Variants in OR2L13 observed in about 807,000 individuals in gnomAD.
The protein encoded by OR2L13 is olfactory receptor 2L13.
In OR2L13, 14 loss-of-function variants were observed where a neutral mutation model predicts 15.3. That is an observed-to-expected ratio of 0.91 (90% CI 0.60 to 1.43). The LOEUF (loss-of-function observed/expected upper bound fraction) is 1.43, where lower values mean the gene tolerates loss of function less well. OR2L13 is among the 40% of genes most tolerant of loss of function. The pLI is 0.00. For synonymous variants in OR2L13, 152 were observed against 142.9 expected, an observed-to-expected ratio of 1.06 and a Z score of -0.45; for missense variants, 367 against 387.9, an observed-to-expected ratio of 0.95 and a Z score of 0.45.
chr1:248,045,536 C>A, the OR2L13 span, among the ~76,000 whole-genome samples: 1 of 152,146 alleles, frequency 6.6e-6, no homozygotes, highest in African/African-American at 2.4e-5. Context: ...CCTCTTTCAG[C>A]GCAAATAGGT....
At chr1:247,994,322 G>A in the OR2L13 span, among the ~76,000 whole-genome samples, 266 of 152,184 alleles carry the variant, frequency 1.7e-3, 2 homozygotes, top group Non-Finnish European at 1.3e-3. Context: ...GCGTGAACCC[G>A]GGAGGCGGAG....
the OR2L13 span, chr1:248,084,458 T>A: frequency 1.3e-5 from 21 of 1,607,894 alleles, no homozygotes; most frequent in African/African-American, 2.8e-5. Flanking sequence ...TCCCGGTGAA[T>A]CAGGAGAATC....
At chr1:248,074,550 C>T in the OR2L13 span, among the ~76,000 whole-genome samples, 22,894 of 152,042 alleles carry the variant, frequency 0.15, 3,282 homozygotes, top group African/African-American at 0.38. Flanking sequence ...TATACACCAA[C>T]AACGTTCAAG....
chr1:248,067,840 T>G, the OR2L13 span, among the ~76,000 whole-genome samples: 1 of 152,172 alleles, frequency 6.6e-6, no homozygotes, highest in African/African-American at 2.4e-5. Flanking sequence ...GCCAGGAGGT[T>G]ATATCCCACA....
the OR2L13 span, chr1:248,003,997 T>A: frequency 7.1e-5 from 114 of 1,613,770 alleles, 1 homozygote; most frequent in South Asian, 5.3e-4. Flanking sequence ...CCATCATCTA[T>A]AGCCTGAGGA....
chr1:247,966,850 G>A, the OR2L13 span, among the ~76,000 whole-genome samples: 1,195 of 152,244 alleles, frequency 7.8e-3, 7 homozygotes, highest in Admixed American at 0.013. Flanking sequence ...ATTGAATAAT[G>A]TATTAACAGG....
At chr1:248,029,627 T>C in the OR2L13 span, among the ~76,000 whole-genome samples, 4 of 152,170 alleles carry the variant, frequency 2.6e-5, no homozygotes, top group East Asian at 5.8e-4. Context: ...ATGTATGTGA[T>C]AGCTTAATAA....
the OR2L13 span, chr1:248,041,889 A>T: frequency 6.6e-6 from 1 of 151,426 alleles, no homozygotes; most frequent in African/African-American, 2.4e-5. Context: ...TGGAGAAAAC[A>T]CTTTTACACT....
At chr1:248,068,047 A>C in the OR2L13 span, among the ~76,000 whole-genome samples, 1 of 152,106 alleles carries the variant, frequency 6.6e-6, no homozygotes, top group Non-Finnish European at 1.5e-5. Flanking sequence ...TTGCCTCTGT[A>C]GGCTCCACCT....
At chr1:247,966,461 A>G in the OR2L13 span, 1 of 969,570 alleles carries the variant, frequency 1.0e-6, no homozygotes, top group Admixed American at 3.1e-5. Context: ...GTAAAGCAAT[A>G]GAATTCAGGC....
At chr1:248,013,826 A>C in the OR2L13 span, 1 of 152,180 alleles carries the variant, frequency 6.6e-6, no homozygotes, top group African/African-American at 2.4e-5. Context: ...TTATTTCAGA[A>C]ATCGAACTGA....
At chr1:248,044,853 T>G in the OR2L13 span, among the ~76,000 whole-genome samples, 2 of 146,238 alleles carry the variant, frequency 1.4e-5, no homozygotes, top group Non-Finnish European at 3.0e-5. Context: ...CTTCCCCAAG[T>G]GTCTCCAGAA....
the OR2L13 span, among the ~76,000 whole-genome samples, chr1:247,987,704 T>G: frequency 6.6e-6 from 1 of 152,160 alleles, no homozygotes; most frequent in Non-Finnish European, 1.5e-5. Context: ...CTGCTAATGC[T>G]TGATTTAAGT....
At chr1:247,990,228 C>A in the OR2L13 span, 245 of 725,210 alleles carry the variant, frequency 3.4e-4, 2 homozygotes, top group South Asian at 5.0e-4. Flanking sequence ...CTTCACTTAC[C>A]CTTGTGTCTC....
chr1:248,053,100 C>T, the OR2L13 span, among the ~76,000 whole-genome samples: 2 of 152,076 alleles, frequency 1.3e-5, no homozygotes, highest in African/African-American at 4.8e-5. Flanking sequence ...CTAATGCTCT[C>T]CCCTCCACCG....
At chr1:248,004,206 G>A in the OR2L13 span, 2 of 689,856 alleles carry the variant, frequency 2.9e-6, no homozygotes, top group African/African-American at 3.6e-5. Flanking sequence ...CTGATTTCTG[G>A]ACAAAATTGT....
At chr1:248,074,197 C>A in the OR2L13 span, among the ~76,000 whole-genome samples, 2 of 152,020 alleles carry the variant, frequency 1.3e-5, no homozygotes, top group Admixed American at 1.3e-4. Flanking sequence ...TAACATATAT[C>A]AATGACCAGT....
chr1:248,000,731 GT>G, the OR2L13 span, among the ~76,000 whole-genome samples: 1 of 151,874 alleles, frequency 6.6e-6, no homozygotes, highest in African/African-American at 2.4e-5. Flanking sequence ...TTCATTTAGA[GT>G]TTCTGAGAAA....
chr1:248,042,922 CAG>C, the OR2L13 span, among the ~76,000 whole-genome samples: 1 of 152,092 alleles, frequency 6.6e-6, no homozygotes, highest in Non-Finnish European at 1.5e-5. Context: ...CGTAATTAAA[CAG>C]AAAATATAAT....
Sources: gnomAD v4.1 joint callset for allele counts (sites outside exome capture counted in the v4.1 genomes callset) on GRCh38, gnomAD v4.1.1 for gene constraint, MANE v1.5 for transcripts, NCBI Gene and HGNC (gene_info 2026-07-23, HGNC 2026-07-21) for gene names.